CELF2: variants seen among roughly 807,000 people sequenced by gnomAD.
CELF2 encodes CUG triplet repeat RNA-binding protein 2.
In CELF2, 8 loss-of-function variants were observed where a neutral mutation model predicts 62.6. That is an observed-to-expected ratio of 0.13 (90% CI 0.07 to 0.23). CELF2 has a LOEUF of 0.23. CELF2 is among the 10% of genes least tolerant of loss of function. The pLI, the probability that CELF2 is intolerant of heterozygous loss-of-function variation, is 1.00. For synonymous variants in CELF2, 258 were observed against 250.0 expected (o/e 1.03, Z -0.30); for missense variants, 333 against 671.0 (o/e 0.50, Z 5.56).
chr10:10,868,565 T>G (rs1214995718), intron 1 of CELF2, among the ~76,000 whole-genome samples: 1 of 152,132 alleles, frequency 6.6e-6, no homozygotes, highest in Non-Finnish European at 1.5e-5. Context: ...TAGCCCTGGA[T>G]GGGGGAGCAG....
chr10:11,188,004 T>A (rs2075403859), intron 2 of CELF2, among the ~76,000 whole-genome samples: 1 of 152,236 alleles, frequency 6.6e-6, no homozygotes, highest in Non-Finnish European at 1.5e-5. Flanking sequence ...CTTCTTTTAA[T>A]ATTTCTTGGG....
chr10:11,128,978 A>G (rs1034160160), intron 1 of CELF2, among the ~76,000 whole-genome samples: 10 of 152,160 alleles, frequency 6.6e-5, no homozygotes, highest in Non-Finnish European at 1.3e-4. Context: ...GAATGCTTCC[A>G]ATTTTTGCCC....
chr10:11,310,384 G>A (rs913683210), intron 9 of CELF2, among the ~76,000 whole-genome samples: 1 of 152,188 alleles, frequency 6.6e-6, no homozygotes, highest in South Asian at 2.1e-4. Context: ...AAGGGAGCAG[G>A]TTGTGGGTTG....
At chr10:10,747,186 G>T in the CELF2 span, among the ~76,000 whole-genome samples, 1 of 152,198 alleles carries the variant, frequency 6.6e-6, no homozygotes. Context: ...GGTGGAGCTG[G>T]AAATGGAGGC....
chr10:11,086,606 A>AAAAAAAAC, intron 1 of CELF2, among the ~76,000 whole-genome samples: 2 of 118,148 alleles, frequency 1.7e-5, no homozygotes, highest in South Asian at 4.9e-4. Context: ...AAAAAAAAAA[A>AAAAAAAAC]AAAACTCCCG....
In CELF2 at chr10:10,848,201, A is replaced by G. The variant is rs551445365; in HGVS notation, c.53+49384A>G. Among the ~76,000 whole-genome samples, 29 of 152,306 alleles carry G rather than the reference A, an allele frequency of 1.9e-4. No homozygotes were observed. In the South Asian group the frequency reaches 5.4e-3, roughly 28 times the overall value. Reference sequence around the variant, plus strand: ...GTACATTTTAGGTAAAAGCTTTTCTAGTTGATGTGTTCAGTACCCCTTTAT... The same window carrying G: ...GTACATTTTAGGTAAAAGCTTTTCTGGTTGATGTGTTCAGTACCCCTTTAT... On this transcript the variant is annotated intron_variant, in intron 1 of 13. Transcript: ENST00000636488.
At chr10:10,580,178 A>G in the CELF2 span, among the ~76,000 whole-genome samples, 9 of 152,202 alleles carry the variant, frequency 5.9e-5, no homozygotes, top group Admixed American at 5.9e-4. Flanking sequence ...AGGTCAAGCC[A>G]TTCAAAAAGC....
rs2083285107 is a variant in CELF2 at position 11,270,020 on chromosome 10, G to A, written c.619-646G>A. ...CAGGGATGGCGGGTAGCACAGGTGT[G>A]CTGAGGGAAGAGGCCTCTCTGAAAA... On this transcript the variant is annotated intron_variant, in intron 6 of 12. Transcript: ENST00000633077. The surrounding 1 kb of genome is among the most constrained non-coding windows in gnomAD (Gnocchi z 5.8). 6.6e-6 allele frequency among the ~76,000 whole-genome samples: 1 copy of A among 152,190 alleles called. No homozygotes were observed. Among genetic ancestry groups the A allele is most frequent in the African/African-American group, 2.4e-5 (1 of 41,454 alleles).
the CELF2 span, among the ~76,000 whole-genome samples, chr10:10,695,653 G>T: frequency 6.6e-6 from 1 of 152,112 alleles, no homozygotes; most frequent in African/African-American, 2.4e-5. Context: ...CCAATCAGAC[G>T]TAGATTTGGT....
chr10:10,547,692 A>AGAGAGAGAGT, the CELF2 span, among the ~76,000 whole-genome samples: 709 of 138,098 alleles, frequency 5.1e-3, 3 homozygotes, highest in African/African-American at 0.017. Flanking sequence ...AGAGAGAGAG[A>AGAGAGAGAGT]GTGTGTGTGT....
the CELF2 span, among the ~76,000 whole-genome samples, chr10:10,636,025 T>A: frequency 6.6e-6 from 1 of 152,186 alleles, no homozygotes; most frequent in Non-Finnish European, 1.5e-5. Flanking sequence ...GAAGAAAAGA[T>A]TATTGGGCAA....
At chr10:10,976,520 T>G (rs747712053) in intron 2 of CELF2, among the ~76,000 whole-genome samples, 2 of 152,142 alleles carry the variant, frequency 1.3e-5, no homozygotes, top group Non-Finnish European at 2.9e-5. Context: ...TTTTCATGCC[T>G]TTAGTTTCAG....
At chr10:11,100,059 G>C (rs964774735) in intron 1 of CELF2, among the ~76,000 whole-genome samples, 1 of 151,760 alleles carries the variant, frequency 6.6e-6, no homozygotes, top group Non-Finnish European at 1.5e-5. Flanking sequence ...AAAAATAGCC[G>C]GGCATGGTGG....
At chr10:11,104,315 AC>A (rs2052737006) in intron 1 of CELF2, among the ~76,000 whole-genome samples, 1 of 152,226 alleles carries the variant, frequency 6.6e-6, no homozygotes, top group South Asian at 2.1e-4. Flanking sequence ...AATAGTTTCG[AC>A]TTCCAGCAAA....
chr10:10,557,299 C>T, the CELF2 span, among the ~76,000 whole-genome samples: 1 of 150,562 alleles, frequency 6.6e-6, no homozygotes, highest in African/African-American at 2.5e-5. Context: ...GAATCCTTTC[C>T]CCATTGCTGG....
intron 1 of CELF2, among the ~76,000 whole-genome samples, chr10:11,092,766 C>A (rs901811442): frequency 6.6e-6 from 1 of 152,190 alleles, no homozygotes; most frequent in Non-Finnish European, 1.5e-5. Flanking sequence ...GAGAGTGGCC[C>A]TCTTGCCTGT....
At chr10:10,841,818 TACC>T (rs2058704383) in intron 1 of CELF2, among the ~76,000 whole-genome samples, 1 of 152,110 alleles carries the variant, frequency 6.6e-6, no homozygotes, top group African/African-American at 2.4e-5. Flanking sequence ...ACTTTGCTGA[TACC>T]CACAAAATAA....
In CELF2 at chr10:11,324,905, G is replaced by A. The variant is rs566230483; in HGVS notation, c.1295-931G>A. Among the ~76,000 whole-genome samples the A allele has an allele frequency of 2.6e-5, 4 of 152,238 alleles. No homozygotes were observed. The highest frequency in any genetic ancestry group is 6.5e-5 in the Admixed American group (1 of 15,300). ...AAGTCGCCTCACCAGTTCTGTGAGC[G>A]CCCCTCCTCGGAAGACTCCATGCCT... On this transcript the variant is annotated intron_variant, in intron 11 of 12. Coordinates refer to ENST00000633077, the MANE Select transcript of CELF2 (RefSeq NM_001326342.2). The surrounding 1 kb of genome is among the most constrained non-coding windows in gnomAD (Gnocchi z 4.7).
intron 1 of CELF2, among the ~76,000 whole-genome samples, chr10:11,128,122 A>G (rs929419874): frequency 1.3e-5 from 2 of 152,202 alleles, no homozygotes; most frequent in African/African-American, 4.8e-5. Context: ...TCCCAGCACC[A>G]TTTATTAAAT....
Sources: gnomAD v4.1 joint callset for allele counts (sites outside exome capture counted in the v4.1 genomes callset) on GRCh38, gnomAD v4.1.1 for gene constraint, Gnocchi (gnomAD v3.1) non-coding constraint, MANE v1.5 for transcripts, NCBI Gene and HGNC (gene_info 2026-07-23, HGNC 2026-07-21) for gene names.